PHACTR3: variants seen among roughly 807,000 people sequenced by gnomAD.
PHACTR3 encodes the protein phosphatase and actin regulator 3, also known as protein phosphatase 1, regulatory subunit 123.
Under a neutral mutation model 66.8 loss-of-function variants are expected in PHACTR3, and 16 were observed. The observed-to-expected ratio is 0.24, with a 90% CI of 0.16 to 0.36. PHACTR3 has a LOEUF of 0.36. PHACTR3 is among the 10% of genes least tolerant of loss of function. PHACTR3 has a pLI of 1.00. For missense variants in PHACTR3, 647 were observed against 719.9 expected (o/e 0.90, Z 1.16); for synonymous variants, 323 against 292.1 (o/e 1.11, Z -1.08).
chr20:59,728,266 C>T (rs1336604406), intron 1 of PHACTR3, among the ~76,000 whole-genome samples: 1 of 152,134 alleles, frequency 6.6e-6, no homozygotes, highest in Non-Finnish European at 1.5e-5. Context: ...TGGGGGTCAT[C>T]TGTGCTGCAG....
At chr20:59,711,059 A>C (rs1213706418) in intron 1 of PHACTR3, among the ~76,000 whole-genome samples, 1 of 152,216 alleles carries the variant, frequency 6.6e-6, no homozygotes, top group African/African-American at 2.4e-5. Flanking sequence ...ATATACAGAA[A>C]ATATTTATAA....
intron 1 of PHACTR3, chr20:59,628,685 C>G (rs565586942): frequency 1.0e-6 from 1 of 985,414 alleles, no homozygotes; most frequent in African/African-American, 1.7e-5. Flanking sequence ...AAGACCTCCC[C>G]TGTTGCCTGT....
At chr20:59,632,854 T>C (rs2034716233) in intron 1 of PHACTR3, among the ~76,000 whole-genome samples, 2 of 152,168 alleles carry the variant, frequency 1.3e-5, no homozygotes, top group Admixed American at 6.5e-5. Context: ...AGGGAGATCT[T>C]CCCATCACTC....
intron 1 of PHACTR3, among the ~76,000 whole-genome samples, chr20:59,700,047 C>T (rs1601135242): frequency 6.6e-6 from 1 of 152,222 alleles, no homozygotes; most frequent in East Asian, 1.9e-4. Context: ...TTCCCTGAGG[C>T]AACCACTGTT....
chr20:59,635,159 T>TTC (rs1336384049), intron 1 of PHACTR3, among the ~76,000 whole-genome samples: 3 of 66,686 alleles, frequency 4.5e-5, no homozygotes, highest in South Asian at 5.2e-4. Context: ...TTTTCTTTCT[T>TTC]TCTTTCTTTC....
chr20:59,722,282 C>T (rs1347696174), intron 1 of PHACTR3, among the ~76,000 whole-genome samples: 2 of 147,354 alleles, frequency 1.4e-5, no homozygotes, highest in African/African-American at 2.5e-5. Flanking sequence ...GAGGAAGGTA[C>T]AGGAAGCCAC....
intron 1 of PHACTR3, among the ~76,000 whole-genome samples, chr20:59,666,632 A>AAG (rs967877661): frequency 5.9e-5 from 9 of 151,758 alleles, no homozygotes; most frequent in East Asian, 1.9e-4. Context: ...CAGAGGAAGA[A>AAG]AGAGAGAGAG....
chr20:59,577,621 AGC>A (rs1398765700), intron 1 of PHACTR3: 1 of 1,171,880 alleles, frequency 8.5e-7, no homozygotes, highest in East Asian at 3.8e-5. Context: ...GCGCAAGGTA[AGC>A]GCGCGCTGCG....
chr20:59,800,978 C>T lies in PHACTR3; in HGVS notation c.1175-5063C>T, dbSNP rs568459600. 6.6e-5 allele frequency among the ~76,000 whole-genome samples: 10 copies of T among 152,302 alleles called. No individual in the cohort carries two copies. The South Asian group carries it at 1.0e-3, about 16-fold the overall frequency. ...AGTTTTCTGTCTGGCTGATGGGAAC[C>T]GGCCCTCCGTCTAGTGCCATGTGTG... is the stretch of plus-strand genomic sequence containing the variant. On this transcript the variant is annotated intron_variant, in intron 7 of 12. Coordinates refer to ENST00000371015, the MANE Select transcript of PHACTR3 (RefSeq NM_080672.5).
intron 2 of PHACTR3, 77 bp from the exon 3 acceptor site, chr20:59,747,681 T>C: frequency 2.6e-6 from 4 of 1,517,470 alleles, no homozygotes; most frequent in Non-Finnish European, 3.6e-6. Context: ...AACTTGAGCC[T>C]GGCATTGGCT....
chr20:59,789,189 CTGCAGGG>C (rs1293205871), intron 7 of PHACTR3, among the ~76,000 whole-genome samples: 8 of 152,142 alleles, frequency 5.3e-5, no homozygotes, highest in Non-Finnish European at 8.8e-5. Context: ...AGGCATCTTC[CTGCAGGG>C]TGCAGGGAGG....
chr20:59,701,459 A>T (rs756781532), intron 1 of PHACTR3, among the ~76,000 whole-genome samples: 2 of 151,946 alleles, frequency 1.3e-5, no homozygotes, highest in African/African-American at 2.4e-5. Context: ...GTCTCTGGGG[A>T]CACTAGTTAC....
At chr20:59,642,823 GC>G (rs2035151379) in intron 1 of PHACTR3, among the ~76,000 whole-genome samples, 1 of 152,178 alleles carries the variant, frequency 6.6e-6, no homozygotes, top group Non-Finnish European at 1.5e-5. Flanking sequence ...TTGCTGTCCT[GC>G]CAACATTGGG....
intron 9 of PHACTR3, among the ~76,000 whole-genome samples, chr20:59,837,884 A>T (rs1203962577): frequency 2.6e-5 from 4 of 152,176 alleles, no homozygotes; most frequent in African/African-American, 9.6e-5. Flanking sequence ...GTCTTCTTTC[A>T]GTAGCAGCCT....
intron 1 of PHACTR3, among the ~76,000 whole-genome samples, chr20:59,611,472 G>C (rs1272020336): frequency 2.0e-5 from 3 of 152,240 alleles, no homozygotes; most frequent in African/African-American, 7.2e-5. Flanking sequence ...AGTTAGAGCA[G>C]GACTGATCTG....
At chr20:59,836,605 T>C (rs774883444) in intron 9 of PHACTR3, 45 bp downstream of exon 9, 4 of 1,582,576 alleles carry the variant, frequency 2.5e-6, no homozygotes. Flanking sequence ...TCACGTGTGG[T>C]GAGGCTGTTG....
intron 8 of PHACTR3, among the ~76,000 whole-genome samples, chr20:59,813,962 G>A (rs1811351178): frequency 6.6e-6 from 1 of 152,230 alleles, no homozygotes; most frequent in Admixed American, 6.5e-5. Context: ...GCTGCTGAAA[G>A]TGCCGTTTAC....
At chr20:59,766,294 T>C (rs780942942) in intron 4 of PHACTR3, among the ~76,000 whole-genome samples, 3 of 152,170 alleles carry the variant, frequency 2.0e-5, no homozygotes, top group Non-Finnish European at 4.4e-5. Context: ...GTGGACTCCG[T>C]AGGCTCTTCC....
chr20:59,628,140 C>G (rs2034524190), intron 1 of PHACTR3: 1 of 152,248 alleles, frequency 6.6e-6, no homozygotes, highest in Non-Finnish European at 1.5e-5. Context: ...CATGTGGCCA[C>G]TCCAGAATGC....
Sources: allele counts gnomAD v4.1 joint callset (sites outside exome capture counted in the v4.1 genomes callset), GRCh38; gene constraint gnomAD v4.1.1; transcripts MANE v1.5; gene names NCBI Gene and HGNC (gene_info 2026-07-23, HGNC 2026-07-21).